The following RO60 variants were observed in gnomAD, a reference collection of about 807,000 sequenced individuals.
RO60 encodes the protein RNA-binding protein RO60.
In RO60, 20 loss-of-function variants were observed where a neutral mutation model predicts 55.3. The ratio of observed to expected loss-of-function variants is 0.36; its 90% CI spans 0.25 to 0.53. The LOEUF is 0.53. Ranked by LOEUF, RO60 falls within the 20% of genes least tolerant of loss-of-function variation. The pLI is 0.92. For missense variants in RO60, 558 were observed against 646.6 expected (o/e 0.86, Z 1.49); for synonymous variants, 213 against 213.6 (o/e 1.00, Z 0.02).
Position 193,084,889 on chromosome 1 carries a change from T to C in RO60, c.*158T>C, listed in dbSNP as rs1383099463. 1.6e-5 allele frequency: 24 copies of C among 1,465,196 alleles called. No individual in the cohort carries two copies. The highest frequency in any genetic ancestry group is 3.7e-4 in the Middle Eastern group (2 of 5,450). The allele number at this position is 1,465,196 out of a possible 1,614,324, so 90.8% of individuals were successfully genotyped here. On this transcript the variant is annotated 3_prime_UTR_variant, in exon 9 of 9. Transcript: ENST00000400968. Reference sequence around the variant, plus strand: ...CTGAAAAAAAAAAAAGAAGGAAAAATAAGATGGGCCCAAAGGTCTATCTAC... The same window carrying C: ...CTGAAAAAAAAAAAAGAAGGAAAAACAAGATGGGCCCAAAGGTCTATCTAC...
chr1:193,065,084 G>A (rs1673017929), intron 1 of RO60, among the ~76,000 whole-genome samples: 1 of 151,882 alleles, frequency 6.6e-6, no homozygotes, highest in African/African-American at 2.4e-5. Flanking sequence ...ATTATATTTT[G>A]CATTATAAAT....
chr1:193,085,722 C>T lies in RO60; in HGVS notation c.*991C>T. Reference sequence around the variant, plus strand: ...TTTAGTTAATATTTTTAAAAGTATACATGTCAATGGCCTCTTTGTCCATTA... The same window carrying T: ...TTTAGTTAATATTTTTAAAAGTATATATGTCAATGGCCTCTTTGTCCATTA... On this transcript the variant is annotated 3_prime_UTR_variant, in exon 9 of 9. Coordinates refer to ENST00000400968, the MANE Select transcript of RO60 (RefSeq NM_001173524.2). 1.8e-5 allele frequency: 18 copies of T among 982,878 alleles called. No homozygotes were observed. The highest frequency in any genetic ancestry group is 2.2e-5 in the Non-Finnish European group (18 of 827,824). 60.9% of individuals were successfully genotyped at this position (982,878 alleles called of 1,614,324 possible). A position where few individuals can be genotyped will look rare whatever the true frequency, so the allele number is the denominator to read the frequency against.
intron 1 of RO60, among the ~76,000 whole-genome samples, chr1:193,068,711 ATTTG>A (rs1039904834): frequency 2.0e-5 from 3 of 152,198 alleles, no homozygotes; most frequent in Non-Finnish European, 2.9e-5. Flanking sequence ...TGTGGCTATG[ATTTG>A]TTTGTTTGCT....
intron 2 of RO60, among the ~76,000 whole-genome samples, chr1:193,075,334 CAT>C (rs1673834484): frequency 7.3e-6 from 1 of 137,556 alleles, no homozygotes; most frequent in Non-Finnish European, 1.5e-5. Flanking sequence ...GCTATTAAAA[CAT>C]AGTGTAAAAG....
In RO60 at chr1:193,088,653, TCTTATATA is replaced by T. The variant is rs1674725918; in HGVS notation, c.*3925_*3932del. 6.6e-6 allele frequency: 1 copy of T among 152,130 alleles called. No homozygotes were observed. Among genetic ancestry groups the T allele is most frequent in the Non-Finnish European group, 1.5e-5 (1 of 68,014 alleles). The allele number at this position is 152,130 out of a possible 1,614,324, so 9.4% of individuals were successfully genotyped here. On this transcript the variant is annotated 3_prime_UTR_variant, in exon 9 of 9. Transcript: ENST00000400968. ...GGTAATCAAAAATGAAAAATTCTAG[TCTTATATA>T]CTGCAGGTTTGGGGTGATTGTTAAG...
intron 1 of RO60, among the ~76,000 whole-genome samples, chr1:193,061,501 A>C (rs1009945188): frequency 2.0e-5 from 3 of 152,236 alleles, no homozygotes; most frequent in African/African-American, 7.2e-5. Flanking sequence ...ATTCAAGAAA[A>C]ATGTAGGATT....
At chr1:193,070,591 C>T (rs773075748) in intron 2 of RO60, 45 of 446,636 alleles carry the variant, frequency 1.0e-4, no homozygotes, top group Non-Finnish European at 1.9e-4. Flanking sequence ...AGGGTGGGTT[C>T]ACATTTCAGT....
chr1:193,071,593 G>A (rs1396582942), intron 2 of RO60, among the ~76,000 whole-genome samples: 2 of 151,852 alleles, frequency 1.3e-5, no homozygotes, highest in Non-Finnish European at 2.9e-5. Flanking sequence ...TCCACAAACA[G>A]TATGTGAAAG....
chr1:193,079,405 T>C (rs897053760), intron 5 of RO60, among the ~76,000 whole-genome samples: 1 of 152,126 alleles, frequency 6.6e-6, no homozygotes, highest in African/African-American at 2.4e-5. Flanking sequence ...TGACTTTTGA[T>C]AAGGGTGCCA....
At chr1:193,079,097 T>TC (rs1674121265) in intron 5 of RO60, among the ~76,000 whole-genome samples, 1 of 147,338 alleles carries the variant, frequency 6.8e-6, no homozygotes, top group Non-Finnish European at 1.5e-5. Flanking sequence ...TTTTTTTTTT[T>TC]TTTTTTTTGA....
At chr1:193,068,553 C>T (rs1342027569) in intron 1 of RO60, among the ~76,000 whole-genome samples, 1 of 152,218 alleles carries the variant, frequency 6.6e-6, no homozygotes, top group Non-Finnish European at 1.5e-5. Flanking sequence ...ATCTTTCTTA[C>T]TTAGTGCCAG....
At chr1:193,076,134 T>C (rs1241340228) in intron 3 of RO60, 94 bp downstream of exon 3, 14 of 729,700 alleles carry the variant, frequency 1.9e-5, no homozygotes, top group Non-Finnish European at 2.9e-5. Context: ...ATATTTATAC[T>C]TTTAAAAAGA....
Position 193,090,804 on chromosome 1 carries a change from G to C in RO60, c.*6073G>C. 1 of 151,498 alleles carries C rather than the reference G, an allele frequency of 6.6e-6. No individual in the cohort carries two copies. Among genetic ancestry groups the C allele is most frequent in the South Asian group, 2.1e-4 (1 of 4,802 alleles). 9.4% of individuals were successfully genotyped at this position (151,498 alleles called of 1,614,324 possible). On this transcript the variant is annotated 3_prime_UTR_variant, in exon 9 of 9. Transcript: ENST00000400968. ...TTCAGGCATACTAGTTACTTTCCTT[G>C]GGGTCTGTTTAAATAATGCCTTAAT...
At chr1:193,074,915 G>A (rs1276949206) in intron 2 of RO60, among the ~76,000 whole-genome samples, 13 of 152,090 alleles carry the variant, frequency 8.5e-5, no homozygotes, top group Admixed American at 6.6e-5. Context: ...TTTGTATAAG[G>A]TGTAAGGAAG....
Position 193,065,629 on chromosome 1 carries a change from C to G in RO60, c.-21-3405C>G, listed in dbSNP as rs994901453. ...ATCAGTCTTTGAGAAGCATGTTAGTCTTCTTAAAGTGTTTTGGATCGAAAG... is the reference window on the plus strand; with the variant it reads ...ATCAGTCTTTGAGAAGCATGTTAGTGTTCTTAAAGTGTTTTGGATCGAAAG... On this transcript the variant is annotated intron_variant, in intron 1 of 8. Coordinates refer to ENST00000400968, the MANE Select transcript of RO60 (RefSeq NM_001173524.2). Among the ~76,000 whole-genome samples, 3 of 151,256 alleles carry G rather than the reference C, an allele frequency of 2.0e-5. No homozygotes were observed. The Admixed American group carries it at 2.0e-4, about 10-fold the overall frequency.
chr1:193,089,852 CTGGAGTGCGG>C lies in RO60; in HGVS notation c.*5125_*5134del, dbSNP rs1235843229. 1 of 149,698 alleles carries C rather than the reference CTGGAGTGCGG, an allele frequency of 6.7e-6. No individual in the cohort carries two copies. Among genetic ancestry groups the C allele is most frequent in the Non-Finnish European group, 1.5e-5 (1 of 67,744 alleles). The allele number at this position is 149,698 out of a possible 1,614,324, so 9.3% of individuals were successfully genotyped here. On this transcript the variant is annotated 3_prime_UTR_variant, in exon 9 of 9. Transcript: ENST00000400968. ...GACAGAGTCTCACTCCGTCACCAGGCTGGAGTGCGGTGGCGCGATCTCAGCTCACTGCAAC... is the reference window on the plus strand; with the variant it reads ...GACAGAGTCTCACTCCGTCACCAGGCTGGCGCGATCTCAGCTCACTGCAAC...
chr1:193,080,779 A>G (rs948133972), intron 5 of RO60, among the ~76,000 whole-genome samples: 2 of 152,220 alleles, frequency 1.3e-5, no homozygotes, highest in African/African-American at 2.4e-5. Flanking sequence ...CAAGTATTGT[A>G]TGATTCCATT....
chr1:193,072,242 G>A (rs903817936), intron 2 of RO60, among the ~76,000 whole-genome samples: 3 of 152,202 alleles, frequency 2.0e-5, no homozygotes, highest in African/African-American at 7.2e-5. Flanking sequence ...GACCTCAGGT[G>A]ATCCGCCTGC....
Position 193,087,261 on chromosome 1 carries a change from G to A in RO60, c.*2530G>A, listed in dbSNP as rs1328654290. The A allele has an allele frequency of 6.6e-6, 1 of 152,056 alleles. No individual in the cohort carries two copies. The highest frequency in any genetic ancestry group is 1.5e-5 in the Non-Finnish European group (1 of 67,976). The allele number at this position is 152,056 out of a possible 1,614,324, so 9.4% of individuals were successfully genotyped here. ...TACCTCATTATGAATAAAATGTACTGAAGTGATAAGTTTTTTATTTCCTGA... is the reference window on the plus strand; with the variant it reads ...TACCTCATTATGAATAAAATGTACTAAAGTGATAAGTTTTTTATTTCCTGA... On this transcript the variant is annotated 3_prime_UTR_variant, in exon 9 of 9. Coordinates refer to ENST00000400968, the MANE Select transcript of RO60 (RefSeq NM_001173524.2).
Sources: allele counts gnomAD v4.1 joint callset (sites outside exome capture counted in the v4.1 genomes callset), GRCh38; gene constraint gnomAD v4.1.1; transcripts MANE v1.5; gene names NCBI Gene and HGNC (gene_info 2026-07-23, HGNC 2026-07-21).